Variants in STXBP5L observed in about 807,000 individuals in gnomAD.
STXBP5L encodes the protein syntaxin binding protein 5L.
Under a neutral mutation model 144.5 loss-of-function variants are expected in STXBP5L, and 65 were observed. The observed-to-expected ratio is 0.45, with a 90% CI of 0.37 to 0.55. STXBP5L has a LOEUF of 0.55. Ranked by LOEUF, STXBP5L falls within the 20% of genes least tolerant of loss-of-function variation. The pLI is 0.00. For synonymous variants in STXBP5L, 505 were observed against 469.6 expected (o/e 1.08, Z -0.97); for missense variants, 1,298 against 1,405.5 (o/e 0.92, Z 1.22).
intron 7 of STXBP5L, among the ~76,000 whole-genome samples, chr3:121,140,155 T>C (rs2045436564): frequency 6.6e-6 from 1 of 151,978 alleles, no homozygotes; most frequent in South Asian, 2.1e-4. Context: ...AAGTATATAG[T>C]GAAATGCTCA....
intron 22 of STXBP5L, among the ~76,000 whole-genome samples, chr3:121,405,196 G>C (rs7644928): frequency 0.59 from 89,997 of 151,958 alleles, 27,729 homozygotes; most frequent in East Asian, 0.89. Context: ...GGGGGTTGGG[G>C]CTTTAACATA....
intron 20 of STXBP5L, among the ~76,000 whole-genome samples, chr3:121,365,395 T>TTTTC (rs1261092903): frequency 7.5e-6 from 1 of 133,404 alleles, no homozygotes; most frequent in Non-Finnish European, 1.6e-5. Flanking sequence ...TCAGGGCTTT[T>TTTTC]TTTCTTTCTT....
chr3:121,330,693 C>T (rs2044295370), intron 20 of STXBP5L, among the ~76,000 whole-genome samples: 1 of 152,138 alleles, frequency 6.6e-6, no homozygotes, highest in Non-Finnish European at 1.5e-5. Flanking sequence ...CCAACTAACA[C>T]AGCCCACAAC....
chr3:121,005,894 T>G (rs1944251968), intron 3 of STXBP5L, among the ~76,000 whole-genome samples: 3 of 152,216 alleles, frequency 2.0e-5, no homozygotes, highest in Admixed American at 2.0e-4. Flanking sequence ...ACTTCTAGTT[T>G]GATTGCACTG....
intron 21 of STXBP5L, 50 bp downstream of exon 21, chr3:121,378,936 A>T (rs759380250): frequency 6.2e-5 from 97 of 1,559,044 alleles, no homozygotes; most frequent in Non-Finnish European, 5.9e-5. Flanking sequence ...TTTGGTTTAC[A>T]ATGGTAATGG....
At chr3:121,115,471 G>C (rs2044191919) in intron 6 of STXBP5L, among the ~76,000 whole-genome samples, 1 of 151,950 alleles carries the variant, frequency 6.6e-6, no homozygotes, top group Non-Finnish European at 1.5e-5. Flanking sequence ...TATTGTTCAG[G>C]GCTCAAATAT....
chr3:120,993,046 G>A (rs566174901), intron 3 of STXBP5L, among the ~76,000 whole-genome samples: 1 of 152,170 alleles, frequency 6.6e-6, no homozygotes, highest in African/African-American at 2.4e-5. Flanking sequence ...TGTATCTGAT[G>A]TTTAGTGATG....
chr3:121,133,342 G>C (rs2045085264), intron 7 of STXBP5L, among the ~76,000 whole-genome samples: 1 of 152,148 alleles, frequency 6.6e-6, no homozygotes, highest in East Asian at 1.9e-4. Flanking sequence ...TTATCAGACT[G>C]TCAGAAGTCA....
rs1253842973 is a variant in STXBP5L at position 121,053,160 on chromosome 3, A to G, written c.470+7625A>G. ...AAGAATCAATATCGTGAAAATGGCC[A>G]TATTGCCCAAGATAATTTATAGATT... is the stretch of plus-strand genomic sequence containing the variant. On this transcript the variant is annotated intron_variant, in intron 5 of 26. Transcript: ENST00000471454. Among the ~76,000 whole-genome samples, 4 of 152,224 alleles carry G rather than the reference A, an allele frequency of 2.6e-5. No homozygotes were observed. In the East Asian group the frequency reaches 7.7e-4, roughly 29 times the overall value.
At chr3:121,003,199 A>G (rs1438095860) in intron 3 of STXBP5L, among the ~76,000 whole-genome samples, 1 of 152,174 alleles carries the variant, frequency 6.6e-6, no homozygotes, top group Non-Finnish European at 1.5e-5. Context: ...CTATTTCTCC[A>G]CATCCTCTCC....
chr3:121,145,693 T>G (rs2045688301), intron 7 of STXBP5L, among the ~76,000 whole-genome samples: 1 of 152,002 alleles, frequency 6.6e-6, no homozygotes, highest in Non-Finnish European at 1.5e-5. Context: ...TGTAATATAT[T>G]GAGAATTATG....
intron 5 of STXBP5L, among the ~76,000 whole-genome samples, chr3:121,055,483 A>G (rs1190715291): frequency 6.6e-6 from 1 of 152,088 alleles, no homozygotes; most frequent in Non-Finnish European, 1.5e-5. Context: ...TTGTTAAGTA[A>G]TAGGCTTTCA....
intron 2 of STXBP5L, among the ~76,000 whole-genome samples, chr3:120,948,846 A>C (rs1348757407): frequency 6.6e-6 from 1 of 151,736 alleles, no homozygotes; most frequent in Non-Finnish European, 1.5e-5. Flanking sequence ...CTGCGATTGG[A>C]AATTGTGCAG....
intron 2 of STXBP5L, among the ~76,000 whole-genome samples, chr3:120,942,640 G>A (rs1290148068): frequency 6.8e-6 from 1 of 146,488 alleles, no homozygotes; most frequent in East Asian, 2.0e-4. Flanking sequence ...ATTTTTTTTT[G>A]TTTTAATCTT....
intron 5 of STXBP5L, among the ~76,000 whole-genome samples, chr3:121,101,886 G>T (rs549260337): frequency 3.6e-4 from 54 of 151,732 alleles, no homozygotes; most frequent in Middle Eastern, 6.8e-3. Context: ...TAAAGTTTCC[G>T]GATACAAAGT....
At chr3:121,032,138 G>A (rs893784850) in intron 3 of STXBP5L, among the ~76,000 whole-genome samples, 41 of 151,958 alleles carry the variant, frequency 2.7e-4, no homozygotes, top group African/African-American at 9.4e-4. Context: ...GGCTGAGATG[G>A]CCCAGGAGGA....
intron 2 of STXBP5L, among the ~76,000 whole-genome samples, chr3:120,928,091 A>T (rs979843359): frequency 2.0e-5 from 3 of 152,182 alleles, no homozygotes; most frequent in Admixed American, 1.3e-4. Flanking sequence ...ATTTACACAT[A>T]AAAATCAGAT....
At chr3:121,314,651 A>G (rs2043715481) in intron 19 of STXBP5L, among the ~76,000 whole-genome samples, 2 of 151,960 alleles carry the variant, frequency 1.3e-5, no homozygotes, top group Admixed American at 6.6e-5. Context: ...GCGTAAACTA[A>G]AGAGCTTCTG....
At chr3:121,164,349 C>T (rs1577092297) in intron 9 of STXBP5L, among the ~76,000 whole-genome samples, 1 of 152,168 alleles carries the variant, frequency 6.6e-6, no homozygotes, top group East Asian at 1.9e-4. Flanking sequence ...AATCATCTCA[C>T]ACCTATTAGG....
Sources: allele counts gnomAD v4.1 joint callset (sites outside exome capture counted in the v4.1 genomes callset), GRCh38; gene constraint gnomAD v4.1.1; transcripts MANE v1.5; gene names NCBI Gene and HGNC (gene_info 2026-07-23, HGNC 2026-07-21).